TRIO: variants seen among roughly 807,000 people sequenced by gnomAD.
The protein encoded by TRIO is trio Rho guanine nucleotide exchange factor, also known as triple functional domain protein.
In TRIO, 58 loss-of-function variants were observed where a neutral mutation model predicts 351.9. The ratio of observed to expected loss-of-function variants is 0.16; its 90% CI spans 0.13 to 0.21. The LOEUF is 0.21. Ranked by LOEUF, TRIO falls within the 10% of genes least tolerant of loss-of-function variation. TRIO has a pLI of 1.00. For missense variants in TRIO, 3,201 were observed against 4,027.8 expected, an observed-to-expected ratio of 0.79 and a Z score of 5.56; for synonymous variants, 1,758 against 1,595.7, an observed-to-expected ratio of 1.10 and a Z score of -2.42.
chr5:14,286,897 C>T lies in TRIO; in HGVS notation c.374C>T (p.Thr125Met). The T allele has an allele frequency of 6.2e-7, 1 of 1,613,674 alleles. No homozygotes were observed. The highest frequency in any genetic ancestry group is 2.2e-5 in the East Asian group (1 of 44,870). ...GAGGAGGTCTGCAAGCGTGGCTTCA[C>T]GGTGATCGTGGACATGCGTGGGTCC... ...PSEEVCKRGF[T>M]VIVDMRGSKW... The change falls in exon 4 of 57, where the codon ACG becomes ATG. Residue 125 changes from threonine to methionine, a missense_variant. Transcript: ENST00000344204. The surrounding 1 kb of genome is among the most constrained non-coding windows in gnomAD (Gnocchi z 4.4).
At chr5:14,163,938 C>T (rs574486311) in intron 1 of TRIO, among the ~76,000 whole-genome samples, 3 of 152,150 alleles carry the variant, frequency 2.0e-5, no homozygotes, top group Non-Finnish European at 2.9e-5. Flanking sequence ...GTAAGTTTTC[C>T]GATCTCCAGA....
intron 1 of TRIO, among the ~76,000 whole-genome samples, chr5:14,162,917 C>T (rs1325015906): frequency 6.6e-6 from 1 of 151,398 alleles, no homozygotes; most frequent in African/African-American, 2.4e-5. Flanking sequence ...AGTGATTCTC[C>T]TGCCTCAGCC....
intron 34 of TRIO, among the ~76,000 whole-genome samples, chr5:14,446,384 T>G (rs890945528): frequency 6.6e-6 from 1 of 152,176 alleles, no homozygotes; most frequent in Non-Finnish European, 1.5e-5. Context: ...CCTTTATTGT[T>G]GTGGTGGTTT....
At chr5:14,296,740 C>G (rs138951000) in intron 6 of TRIO, among the ~76,000 whole-genome samples, 1 of 152,110 alleles carries the variant, frequency 6.6e-6, no homozygotes, top group Non-Finnish European at 1.5e-5. Context: ...CCATCTGGAC[C>G]CTGTTCAGTA....
chr5:14,454,914 A>G (rs1293405395), intron 34 of TRIO, among the ~76,000 whole-genome samples: 3 of 151,922 alleles, frequency 2.0e-5, no homozygotes, highest in African/African-American at 7.3e-5. Flanking sequence ...TCGTGGGCTC[A>G]CTGGCTTCAG....
intron 1 of TRIO, among the ~76,000 whole-genome samples, chr5:14,209,795 C>G (rs1312873398): frequency 6.6e-6 from 1 of 152,212 alleles, no homozygotes; most frequent in African/African-American, 2.4e-5. Context: ...AGTATTGGCC[C>G]TCAAGGCAGT....
intron 8 of TRIO, among the ~76,000 whole-genome samples, chr5:14,311,490 C>T (rs1215668814): frequency 6.6e-6 from 1 of 152,208 alleles, no homozygotes; most frequent in Non-Finnish European, 1.5e-5. Context: ...CATGACCTTT[C>T]AGGAGGTAAT....
intron 1 of TRIO, among the ~76,000 whole-genome samples, chr5:14,164,177 C>T (rs1370398911): frequency 1.3e-5 from 2 of 152,178 alleles, no homozygotes; most frequent in Non-Finnish European, 2.9e-5. Flanking sequence ...AATTCTTTGA[C>T]ACTTCTGTGT....
intron 1 of TRIO, among the ~76,000 whole-genome samples, chr5:14,150,677 A>G (rs1032328846): frequency 1.3e-5 from 2 of 152,222 alleles, no homozygotes; most frequent in Admixed American, 6.5e-5. Flanking sequence ...GATAGAACCA[A>G]TGATACCAAC....
chr5:14,381,606 A>G (rs143781485), intron 21 of TRIO, among the ~76,000 whole-genome samples: 1 of 152,140 alleles, frequency 6.6e-6, no homozygotes, highest in Non-Finnish European at 1.5e-5. Flanking sequence ...CCCCAAGTTG[A>G]CCTTTATGTA....
chr5:14,387,769 T>G lies in TRIO; in HGVS notation c.3803T>G (p.Ile1268Ser), dbSNP rs761692707. The G allele has an allele frequency of 1.4e-5, 23 of 1,614,104 alleles. No individual in the cohort carries two copies. Among genetic ancestry groups the G allele is most frequent in the African/African-American group, 4.0e-5 (3 of 74,934 alleles). Residue 1268 changes from isoleucine (I) to serine (S), a missense_variant, in exon 23 of 57, where the codon ATC (isoleucine) becomes AGC (serine). Physicochemically the swap from Ile to Ser is moderately radical, Grantham distance 142. Coordinates refer to ENST00000344204, the MANE Select transcript of TRIO (RefSeq NM_007118.4). ...CAGCTAGATATCATTCCAGCCAGTA[T>G]CCCTGGCTCAGAGGTGAAACTTCGA... is the stretch of plus-strand genomic sequence containing the variant. ...SLQLDIIPASIPGSEVKLRDA... is the reference protein window; with the variant it reads ...SLQLDIIPASSPGSEVKLRDA...
At chr5:14,218,271 T>C (rs2152204287) in intron 1 of TRIO, among the ~76,000 whole-genome samples, 1 of 152,294 alleles carries the variant, frequency 6.6e-6, no homozygotes, top group East Asian at 1.9e-4. Flanking sequence ...TTTAAAGAGC[T>C]TAGGGTGGTG....
chr5:14,462,995 C>T (rs1753948257), intron 36 of TRIO, 70 bp downstream of exon 36: 1 of 1,468,344 alleles, frequency 6.8e-7, no homozygotes, highest in South Asian at 1.4e-5. Context: ...GTAGCTGCTT[C>T]ACACCAGCCT....
At chr5:14,178,288 A>G (rs1217203341) in intron 1 of TRIO, among the ~76,000 whole-genome samples, 1 of 152,210 alleles carries the variant, frequency 6.6e-6, no homozygotes, top group African/African-American at 2.4e-5. Flanking sequence ...CTGTCAATTA[A>G]AAAAGGGGAG....
chr5:14,233,717 T>A lies in TRIO; in HGVS notation c.158-37108T>A, dbSNP rs934672263. Among the ~76,000 whole-genome samples the A allele has an allele frequency of 1.5e-4, 23 of 152,290 alleles. 1 individual carries two copies. Among genetic ancestry groups the A allele is most frequent in the Admixed American group, 1.2e-3 (19 of 15,288 alleles). On this transcript the variant is annotated intron_variant, in intron 1 of 56. Coordinates refer to ENST00000344204, the MANE Select transcript of TRIO (RefSeq NM_007118.4). The stretch of plus-strand genomic sequence containing the variant: ...CACGCCTGGCTAATTAAAAATATTT[T>A]TTTGTAGATATGAGATCTCCCTATG...
At chr5:14,317,179 G>A (rs154155) in intron 9 of TRIO, among the ~76,000 whole-genome samples, 132,034 of 152,244 alleles carry the variant, frequency 0.87, 57,756 homozygotes, top group African/African-American at 0.96. Context: ...ATAATTAGTT[G>A]TCTTGTTGAT....
chr5:14,251,271 A>T (rs1794729505), intron 1 of TRIO, among the ~76,000 whole-genome samples: 1 of 152,204 alleles, frequency 6.6e-6, no homozygotes, highest in Non-Finnish European at 1.5e-5. Flanking sequence ...CCTCTTAGGA[A>T]CACAATGGAA....
intron 9 of TRIO, among the ~76,000 whole-genome samples, chr5:14,327,082 G>A (rs924764445): frequency 6.6e-6 from 1 of 152,204 alleles, no homozygotes; most frequent in African/African-American, 2.4e-5. Flanking sequence ...TTATAATCCT[G>A]AGTGGTTGGT....
At chr5:14,183,430 A>G (rs1789911638) in intron 1 of TRIO, among the ~76,000 whole-genome samples, 1 of 152,198 alleles carries the variant, frequency 6.6e-6, no homozygotes, top group Non-Finnish European at 1.5e-5. Context: ...GTTGCTTTAA[A>G]AGATGCTTAA....
Sources: gnomAD v4.1 joint callset for allele counts (sites outside exome capture counted in the v4.1 genomes callset) on GRCh38, gnomAD v4.1.1 for gene constraint, Gnocchi (gnomAD v3.1) non-coding constraint, MANE v1.5 for transcripts, NCBI Gene and HGNC (gene_info 2026-07-23, HGNC 2026-07-21) for gene names.